EHMT1: variants seen among roughly 807,000 people sequenced by gnomAD.
EHMT1 encodes the protein histone-lysine N-methyltransferase EHMT1.
EHMT1 carries 15 observed loss-of-function variants against 147.2 expected under a neutral mutation model. The observed-to-expected ratio is 0.10, with a 90% CI of 0.07 to 0.16. The LOEUF is 0.16. Ranked by LOEUF, EHMT1 falls within the 10% of genes least tolerant of loss-of-function variation. EHMT1 has a pLI of 1.00. For synonymous variants in EHMT1, 795 were observed against 709.6 expected (o/e 1.12, Z -1.91); for missense variants, 1,587 against 1,772.4 (o/e 0.90, Z 1.88).
At chr9:137,826,421 G>C (rs1955817303) in intron 25 of EHMT1, among the ~76,000 whole-genome samples, 1 of 152,222 alleles carries the variant, frequency 6.6e-6, no homozygotes, top group Non-Finnish European at 1.5e-5. Flanking sequence ...TAAGCTGCAG[G>C]CCGTGGCCTC....
intron 1 of EHMT1, among the ~76,000 whole-genome samples, chr9:137,668,411 C>G (rs962630375): frequency 1.5e-4 from 23 of 152,032 alleles, no homozygotes; most frequent in Non-Finnish European, 3.4e-4. Flanking sequence ...ACCTCACCAC[C>G]CACCCATCCA....
At chr9:137,694,405 A>T (rs1392488461) in intron 1 of EHMT1, among the ~76,000 whole-genome samples, 1 of 151,692 alleles carries the variant, frequency 6.6e-6, no homozygotes, top group Non-Finnish European at 1.5e-5. Flanking sequence ...GTGGCACAGG[A>T]CACTGGCCGA....
intron 1 of EHMT1, among the ~76,000 whole-genome samples, chr9:137,619,857 G>A (rs1842846850): frequency 6.6e-6 from 1 of 152,000 alleles, no homozygotes; most frequent in Non-Finnish European, 1.5e-5. Context: ...GGAAAAGCAA[G>A]CAGGAGGTGG....
At chr9:137,799,354 G>A (rs1675431102) in intron 17 of EHMT1, among the ~76,000 whole-genome samples, 1 of 152,158 alleles carries the variant, frequency 6.6e-6, no homozygotes, top group African/African-American at 2.4e-5. Flanking sequence ...ATTTGAGGGA[G>A]GTGTCACTAG....
At chr9:137,761,673 G>A (rs1295852043) in intron 9 of EHMT1, among the ~76,000 whole-genome samples, 4 of 151,954 alleles carry the variant, frequency 2.6e-5, no homozygotes, top group Non-Finnish European at 4.4e-5. Flanking sequence ...TGTCCAGGAG[G>A]GTCTCGATCT....
chr9:137,829,679 T>A (rs919573614), intron 25 of EHMT1, among the ~76,000 whole-genome samples: 1 of 152,254 alleles, frequency 6.6e-6, no homozygotes, highest in Non-Finnish European at 1.5e-5. Flanking sequence ...GCCCACACAG[T>A]GGCCTATGGG....
intron 1 of EHMT1, among the ~76,000 whole-genome samples, chr9:137,681,902 G>A (rs952212527): frequency 6.6e-5 from 10 of 152,094 alleles, no homozygotes; most frequent in Admixed American, 6.6e-4. Flanking sequence ...CACTGATGCG[G>A]GAAGCTCTCC....
At chr9:137,660,189 G>C (rs1436938799) in intron 1 of EHMT1, among the ~76,000 whole-genome samples, 1 of 151,808 alleles carries the variant, frequency 6.6e-6, no homozygotes, top group African/African-American at 2.4e-5. Context: ...ACAAATATTA[G>C]CTGGGCATAG....
intron 1 of EHMT1, among the ~76,000 whole-genome samples, chr9:137,627,062 C>A (rs9410112): frequency 0.23 from 34,670 of 151,908 alleles, 4,873 homozygotes; most frequent in African/African-American, 0.37. Context: ...GGTTCAAGCG[C>A]TTCTCCTGCC....
intron 1 of EHMT1, among the ~76,000 whole-genome samples, chr9:137,686,960 G>A (rs1195580490): frequency 6.6e-6 from 1 of 151,852 alleles, no homozygotes; most frequent in African/African-American, 2.4e-5. Flanking sequence ...TGATCTCCTG[G>A]CCTCATGATC....
chr9:137,749,080 C>G (rs986304268), intron 6 of EHMT1, among the ~76,000 whole-genome samples: 3 of 152,102 alleles, frequency 2.0e-5, no homozygotes, highest in Non-Finnish European at 4.4e-5. Context: ...GGGGGACAGG[C>G]AACTTTTGGT....
At chr9:137,626,064 T>C (rs1290998210) in intron 1 of EHMT1, among the ~76,000 whole-genome samples, 1 of 149,344 alleles carries the variant, frequency 6.7e-6, no homozygotes, top group East Asian at 2.0e-4. Flanking sequence ...TTGGGGTTTC[T>C]GCATGTTGGT....
intron 16 of EHMT1, among the ~76,000 whole-genome samples, chr9:137,794,907 G>A (rs1952783639): frequency 6.6e-6 from 1 of 152,162 alleles, no homozygotes; most frequent in Non-Finnish European, 1.5e-5. Context: ...GCTTCCAGGA[G>A]GAAAACTTAG....
intron 1 of EHMT1, among the ~76,000 whole-genome samples, chr9:137,635,635 A>G (rs975173315): frequency 5.3e-5 from 8 of 151,078 alleles, no homozygotes; most frequent in Admixed American, 2.6e-4. Flanking sequence ...CCTGGCTAAC[A>G]TGGTGAAACC....
At chr9:137,624,127 G>A (rs1166798355) in intron 1 of EHMT1, among the ~76,000 whole-genome samples, 2 of 151,246 alleles carry the variant, frequency 1.3e-5, no homozygotes, top group Non-Finnish European at 2.9e-5. Flanking sequence ...AGCCTCCTGA[G>A]TAGGTGGCAT....
At chr9:137,749,897 T>G (rs538894589) in intron 6 of EHMT1, among the ~76,000 whole-genome samples, 1 of 152,322 alleles carries the variant, frequency 6.6e-6, no homozygotes, top group African/African-American at 2.4e-5. Flanking sequence ...TCGGAATGCT[T>G]ATAGAAGGGT....
intron 18 of EHMT1, among the ~76,000 whole-genome samples, chr9:137,810,266 A>G (rs866058021): frequency 1.1e-3 from 164 of 143,468 alleles, no homozygotes; most frequent in African/African-American, 4.7e-3. Flanking sequence ...ATGGGTCCGG[A>G]GGCGGTTCCG....
intron 4 of EHMT1, chr9:137,743,122 C>T (rs980824375): frequency 2.2e-4 from 106 of 480,450 alleles, no homozygotes; most frequent in Middle Eastern, 1.8e-3. Flanking sequence ...ATGTTTGCTC[C>T]GTGTTTTGTT....
At chr9:137,683,914 A>G (rs930855005) in intron 1 of EHMT1, among the ~76,000 whole-genome samples, 3 of 152,012 alleles carry the variant, frequency 2.0e-5, no homozygotes, top group African/African-American at 7.2e-5. Flanking sequence ...AGTTTGATGT[A>G]TATCCTTCAA....
Sources: allele counts gnomAD v4.1 joint callset (sites outside exome capture counted in the v4.1 genomes callset), GRCh38; gene constraint gnomAD v4.1.1; transcripts MANE v1.5; gene names NCBI Gene and HGNC (gene_info 2026-07-23, HGNC 2026-07-21).